The following NCAM1 variants were observed in gnomAD, a reference collection of about 807,000 sequenced individuals.
The protein encoded by NCAM1 is antigen recognized by monoclonal antibody 5.1H11.
In NCAM1, 14 loss-of-function variants were observed where a neutral mutation model predicts 109.8. That is an observed-to-expected ratio of 0.13 (90% CI 0.08 to 0.20). The LOEUF (loss-of-function observed/expected upper bound fraction) is 0.20. Ranked by LOEUF, NCAM1 falls within the 10% of genes least tolerant of loss-of-function variation. NCAM1 has a pLI of 1.00. For missense variants in NCAM1, 774 were observed against 1,109.9 expected (o/e 0.70, Z 4.30); for synonymous variants, 418 against 442.9 (o/e 0.94, Z 0.70).
chr11:112,992,646 G>A (rs548299937), intron 1 of NCAM1, among the ~76,000 whole-genome samples: 19 of 151,646 alleles, frequency 1.3e-4, no homozygotes, highest in South Asian at 1.3e-3. Context: ...GACTACAGGC[G>A]CCCGCCACCA....
intron 1 of NCAM1, among the ~76,000 whole-genome samples, chr11:113,117,094 G>A (rs549611281): frequency 2.0e-5 from 3 of 151,968 alleles, no homozygotes; most frequent in Admixed American, 2.0e-4. Flanking sequence ...CCAAGAATAT[G>A]TTACAAAATT....
chr11:113,231,675 C>G lies in NCAM1; in HGVS notation c.1120C>G (p.His374Asp), dbSNP rs1555117246. 1.2e-6 allele frequency: 2 copies of G among 1,613,938 alleles called. No homozygotes were observed. Among genetic ancestry groups the G allele is most frequent in the East Asian group, 4.5e-5 (2 of 44,868 alleles). Residue 374 changes from histidine (H) to aspartate (D), a missense_variant, in exon 10 of 20, where the codon CAT becomes GAT. By Grantham distance (81) the His-to-Asp change is moderately conservative. Transcript: ENST00000316851. The stretch of plus-strand genomic sequence containing the variant: ...GGATGGGCACATGGTGGTGCGTAGC[C>G]ATGCCCGTGTGTCGTCGCTGACCCT... ...TLDGHMVVRS[H>D]ARVSSLTLKS...
intron 3 of NCAM1, 25 bp downstream of exon 3, chr11:113,204,529 A>C (rs151194789): frequency 6.2e-7 from 1 of 1,608,110 alleles, no homozygotes; most frequent in South Asian, 1.1e-5. Flanking sequence ...CTTCTTCTGC[A>C]TTCTCTGGCC....
At position 113,196,978 on chromosome 11, in the gene NCAM1, A is replaced by G. The variant is rs1245640235; in HGVS notation, c.53-5401A>G. Among the ~76,000 whole-genome samples the G allele has an allele frequency of 2.0e-5, 3 of 152,342 alleles. No individual in the cohort carries two copies. The East Asian group carries it at 5.8e-4, about 29-fold the overall frequency. On this transcript the variant is annotated intron_variant, in intron 1 of 19. Transcript: ENST00000316851. ...TGCATGGCTGGGGAAGCCTTGGGAAACTTACAATCATGGTGGAAGGGAAAG... is the reference window on the plus strand; with the variant it reads ...TGCATGGCTGGGGAAGCCTTGGGAAGCTTACAATCATGGTGGAAGGGAAAG...
intron 7 of NCAM1, among the ~76,000 whole-genome samples, chr11:113,212,871 A>G (rs1555113834): frequency 1.3e-5 from 2 of 152,232 alleles, no homozygotes; most frequent in African/African-American, 4.8e-5. Flanking sequence ...AGGGAAACCT[A>G]TGAGGTTTAA....
At position 113,104,544 on chromosome 11, in the gene NCAM1, G is replaced by A. The variant is rs183135414; in HGVS notation, c.53-97835G>A. Among the ~76,000 whole-genome samples the A allele has an allele frequency of 1.7e-3, 266 of 152,300 alleles. 5 individuals carry two copies. The highest frequency in any genetic ancestry group is 5.9e-3 in the African/African-American group (245 of 41,560). ...AAAGACAACCAGGATTGACTGCAGT[G>A]TTATTGGGCTCTGGCTGCCTTTCAG... is the stretch of plus-strand genomic sequence containing the variant. On this transcript the variant is annotated intron_variant, in intron 1 of 19. Coordinates refer to ENST00000316851, the MANE Select transcript of NCAM1 (RefSeq NM_181351.5).
chr11:113,153,571 A>G (rs918431862), intron 1 of NCAM1, among the ~76,000 whole-genome samples: 2 of 152,144 alleles, frequency 1.3e-5, no homozygotes, highest in Non-Finnish European at 2.9e-5. Context: ...TTTTAAGAAT[A>G]TGAATGAAAG....
chr11:113,175,497 C>A lies in NCAM1; in HGVS notation c.53-26882C>A, dbSNP rs114202115. On this transcript the variant is annotated intron_variant, in intron 1 of 19. Transcript: ENST00000316851. ...TTAGTTTAGGAGTTTTGCACATCAG[C>A]CCTCATTCCTCAATAAGAGGTGTGG... Among the ~76,000 whole-genome samples, 1,207 of 152,286 alleles carry A rather than the reference C, an allele frequency of 7.9e-3. 19 individuals are homozygous for A. The highest frequency in any genetic ancestry group is 0.028 in the African/African-American group (1,161 of 41,558).
intron 5 of NCAM1, among the ~76,000 whole-genome samples, chr11:113,206,579 G>A (rs782558265): frequency 2.0e-5 from 3 of 152,134 alleles, no homozygotes; most frequent in African/African-American, 7.2e-5. Flanking sequence ...TGGTCCATAG[G>A]CTTGTTAATC....
intron 1 of NCAM1, among the ~76,000 whole-genome samples, chr11:112,988,862 C>T (rs1951386075): frequency 6.6e-6 from 1 of 151,872 alleles, no homozygotes; most frequent in African/African-American, 2.4e-5. Flanking sequence ...ATTCTCATCC[C>T]TCAGCCACCC....
chr11:113,184,109 G>A (rs1943418206), intron 1 of NCAM1, among the ~76,000 whole-genome samples: 1 of 152,132 alleles, frequency 6.6e-6, no homozygotes, highest in South Asian at 2.1e-4. Context: ...TTAAAGTGAA[G>A]CAAATGTTGT....
At chr11:113,237,859 T>A (rs1565521096) in intron 14 of NCAM1, among the ~76,000 whole-genome samples, 1 of 59,814 alleles carries the variant, frequency 1.7e-5, no homozygotes, top group Non-Finnish European at 3.5e-5. Context: ...TGAGACCATA[T>A]ATATAGATAT....
chr11:113,147,776 G>A (rs782125192), intron 1 of NCAM1, among the ~76,000 whole-genome samples: 5 of 152,092 alleles, frequency 3.3e-5, no homozygotes, highest in African/African-American at 7.2e-5. Context: ...TTTATGTGAC[G>A]CCATTTTTAT....
At chr11:113,016,637 C>T (rs1224884567) in intron 1 of NCAM1, among the ~76,000 whole-genome samples, 1 of 152,190 alleles carries the variant, frequency 6.6e-6, no homozygotes, top group Non-Finnish European at 1.5e-5. Flanking sequence ...GTATGACAGT[C>T]TCCTAAGAGA....
At chr11:113,209,608 AAG>A (rs1384431896) in intron 7 of NCAM1, among the ~76,000 whole-genome samples, 7 of 152,208 alleles carry the variant, frequency 4.6e-5, no homozygotes, top group African/African-American at 1.7e-4. Flanking sequence ...GGGAAGCACA[AAG>A]AGGGAGATAA....
rs1946407820 is a variant in NCAM1 at position 113,276,843 on chromosome 11, G to A, written c.*1456G>A. ...ACTTTAAGGGGGATGGGAGGGGGGG[G>A]AGAAGGGAAAAGCCAGCCCTTTGTA... is the stretch of plus-strand genomic sequence containing the variant. On this transcript the variant is annotated 3_prime_UTR_variant, in exon 20 of 20. Coordinates refer to ENST00000316851, the MANE Select transcript of NCAM1 (RefSeq NM_181351.5). 6.7e-6 allele frequency: 1 copy of A among 148,286 alleles called. No homozygotes were observed. The highest frequency in any genetic ancestry group is 1.5e-5 in the Non-Finnish European group (1 of 66,790). 9.2% of individuals were successfully genotyped at this position (148,286 alleles called of 1,614,324 possible).
At chr11:113,255,856 T>G (rs1555122183) in intron 15 of NCAM1, 21 bp from the exon 16 acceptor site, 2 of 1,611,410 alleles carry the variant, frequency 1.2e-6, no homozygotes, top group Non-Finnish European at 1.7e-6. Flanking sequence ...GAATTTCATG[T>G]GAATTAACTG....
intron 1 of NCAM1, among the ~76,000 whole-genome samples, chr11:113,116,856 A>AT (rs1555094995): frequency 1.3e-5 from 2 of 151,918 alleles, no homozygotes; most frequent in Non-Finnish European, 2.9e-5. Flanking sequence ...AAGATCTAGT[A>AT]TTATGACTGT....
intron 10 of NCAM1, 77 bp downstream of exon 10, chr11:113,231,872 A>G: frequency 6.4e-7 from 1 of 1,560,386 alleles, no homozygotes; most frequent in Non-Finnish European, 8.8e-7. Context: ...AACATCAGCA[A>G]GGACCTATGT....
Sources: gnomAD v4.1 joint callset for allele counts (sites outside exome capture counted in the v4.1 genomes callset) on GRCh38, gnomAD v4.1.1 for gene constraint, MANE v1.5 for transcripts, NCBI Gene and HGNC (gene_info 2026-07-23, HGNC 2026-07-21) for gene names.